Variants in SHANK2 observed in about 807,000 individuals in gnomAD.
SHANK2 encodes the protein SH3 and multiple ankyrin repeat domains protein 2.
A neutral mutation model predicts 133.7 loss-of-function variants in SHANK2; 43 were observed. The observed-to-expected ratio is 0.32, with a 90% CI of 0.25 to 0.41. SHANK2 has a LOEUF of 0.41. Ranked by LOEUF, SHANK2 falls within the 10% of genes least tolerant of loss-of-function variation. The pLI, the probability that SHANK2 is intolerant of heterozygous loss-of-function variation, is 1.00. For synonymous variants in SHANK2, 1,017 were observed against 952.8 expected (o/e 1.07, Z -1.24); for missense variants, 1,994 against 2,235.8 (o/e 0.89, Z 2.18).
Position 70,807,124 on chromosome 11 carries a change from T to C in SHANK2, c.1541A>G (p.Glu514Gly). The change falls in exon 13 of 26, where the codon GAG becomes GGG. Residue 514 changes from glutamate (E) to glycine (G), a missense_variant. Physicochemically the swap from Glu to Gly is moderately conservative, Grantham distance 98. This residue lies in a region of SHANK2 where 653 missense variants were observed against 563.4 expected (regional missense o/e 1.16). Transcript: ENST00000601538. The surrounding 1 kb of genome is among the most constrained non-coding windows in gnomAD (Gnocchi z 4.8). ...GAGCTTCCGCTTGGGCCCCGGGTAC[T>C]CGAAGGCCGAGAGTGAGTCCTTGTT... The part of the protein sequence containing the change: ...GANKDSLSAF[E>G]YPGPKRKLYS... 1.4e-6 allele frequency: 1 copy of C among 717,948 alleles called. No individual in the cohort carries two copies. Among genetic ancestry groups the C allele is most frequent in the Non-Finnish European group, 2.6e-6 (1 of 384,940 alleles). The allele number at this position is 717,948 out of a possible 1,614,324, so 44.5% of individuals were successfully genotyped here.
intron 2 of SHANK2, among the ~76,000 whole-genome samples, chr11:71,185,850 C>T (rs1038102692): frequency 7.4e-5 from 11 of 148,552 alleles, no homozygotes; most frequent in Non-Finnish European, 1.2e-4. Context: ...GCTATTGTGA[C>T]GAGACACCAA....
At chr11:70,657,164 G>C (rs2134244532) in intron 17 of SHANK2, among the ~76,000 whole-genome samples, 1 of 152,324 alleles carries the variant, frequency 6.6e-6, no homozygotes, top group Middle Eastern at 3.4e-3. Flanking sequence ...GAGAAAGGAA[G>C]GCTTGCCAAG....
chr11:70,517,785 G>A (rs782501994), intron 17 of SHANK2, among the ~76,000 whole-genome samples: 3 of 152,288 alleles, frequency 2.0e-5, no homozygotes, highest in East Asian at 3.9e-4. Flanking sequence ...ATAATGGTAG[G>A]TACAGGATAT....
intron 17 of SHANK2, among the ~76,000 whole-genome samples, chr11:70,599,605 C>CAAAAAAAAAAAAAAAAA (rs1160187418): frequency 1.3e-4 from 4 of 30,296 alleles, no homozygotes; most frequent in Non-Finnish European, 1.6e-4. Context: ...GACTCCGTCT[C>CAAAAAAAAAAAAAAAAA]AAAAAAAAAA....
chr11:71,194,751 GAAT>G (rs1426274405), intron 2 of SHANK2, among the ~76,000 whole-genome samples: 3 of 152,212 alleles, frequency 2.0e-5, no homozygotes, highest in Non-Finnish European at 4.4e-5. Context: ...ATACTTGACA[GAAT>G]AATTCAGGCT....
chr11:70,558,180 G>A (rs968918810), intron 17 of SHANK2, among the ~76,000 whole-genome samples: 1 of 152,298 alleles, frequency 6.6e-6, no homozygotes, highest in Admixed American at 6.5e-5. Context: ...GGAGGTGTGC[G>A]AGGGGGAGCC....
At chr11:70,717,981 A>G in intron 14 of SHANK2, among the ~76,000 whole-genome samples, 1 of 152,186 alleles carries the variant, frequency 6.6e-6, no homozygotes, top group East Asian at 1.9e-4. Flanking sequence ...CGCTTCTTTG[A>G]CACAAGTTGT....
intron 14 of SHANK2, among the ~76,000 whole-genome samples, chr11:70,709,692 G>C (rs2134572044): frequency 6.6e-6 from 1 of 152,310 alleles, no homozygotes; most frequent in South Asian, 2.1e-4. Context: ...ACTCAGTGTT[G>C]GGCCGATGGA....
At chr11:70,548,369 G>A (rs2059721398) in intron 17 of SHANK2, among the ~76,000 whole-genome samples, 1 of 152,204 alleles carries the variant, frequency 6.6e-6, no homozygotes, top group Non-Finnish European at 1.5e-5. Context: ...CTGATCCCAG[G>A]TGGGGAGACT....
chr11:70,890,203 C>A (rs763151680), intron 11 of SHANK2, among the ~76,000 whole-genome samples: 1 of 152,230 alleles, frequency 6.6e-6, no homozygotes, highest in Middle Eastern at 3.4e-3. Context: ...AAAAGGTGCT[C>A]AATGAAGACT....
chr11:70,930,659 C>CTTTTTTTTT (rs367913415), intron 10 of SHANK2, among the ~76,000 whole-genome samples: 3 of 114,194 alleles, frequency 2.6e-5, no homozygotes, highest in African/African-American at 3.6e-5. Context: ...ATTTCTTTGT[C>CTTTTTTTTT]TTTTTTTTTT....
intron 14 of SHANK2, among the ~76,000 whole-genome samples, chr11:70,774,326 G>GTTT (rs201907774): frequency 6.9e-6 from 1 of 145,426 alleles, no homozygotes; most frequent in Non-Finnish European, 1.5e-5. Context: ...AGTGACTTTT[G>GTTT]TTTTTTTTTT....
intron 11 of SHANK2, among the ~76,000 whole-genome samples, chr11:70,867,373 C>T (rs542492294): frequency 2.6e-5 from 4 of 152,262 alleles, no homozygotes; most frequent in East Asian, 1.9e-4. Flanking sequence ...AGAGCAGGTC[C>T]GGAGGCCAAG....
chr11:71,213,919 G>C (rs1368502512), intron 2 of SHANK2, among the ~76,000 whole-genome samples: 1 of 152,118 alleles, frequency 6.6e-6, no homozygotes, highest in Admixed American at 6.5e-5. Flanking sequence ...GCTTCCTTGG[G>C]CCATTTACCA....
At chr11:70,628,710 T>C (rs2060937638) in intron 17 of SHANK2, among the ~76,000 whole-genome samples, 1 of 152,184 alleles carries the variant, frequency 6.6e-6, no homozygotes, top group African/African-American at 2.4e-5. Flanking sequence ...AGACCCACCA[T>C]ACAGCAGGCT....
At chr11:70,608,973 G>A (rs1229213758) in intron 17 of SHANK2, among the ~76,000 whole-genome samples, 5 of 152,250 alleles carry the variant, frequency 3.3e-5, no homozygotes, top group African/African-American at 7.2e-5. Context: ...GAGAGAGCTC[G>A]CTCCTCGCTT....
chr11:70,540,523 G>A (rs984696072), intron 17 of SHANK2, among the ~76,000 whole-genome samples: 7 of 150,422 alleles, frequency 4.7e-5, no homozygotes, highest in Admixed American at 3.3e-4. Flanking sequence ...ACACACACAC[G>A]ATACCCATGG....
chr11:71,230,438 G>A (rs148374801), intron 1 of SHANK2, among the ~76,000 whole-genome samples: 2,392 of 152,004 alleles, frequency 0.016, 80 homozygotes, highest in African/African-American at 0.055. Context: ...GTGTGGTGGC[G>A]GGCACCTGTA....
In SHANK2 at chr11:70,473,066, G is replaced by C; in HGVS notation, c.5353C>G (p.Leu1785Val). ...TCGGCCACATCTGGTTTAGTCCACA[G>C]GTGGACAGGTTTAGTTGTAAAAGGC... The part of the protein sequence containing the change: ...NKPFTTKPVH[L>V]WTKPDVADWL... Residue 1785 changes from leucine (L) to valine (V), a missense_variant, in exon 26 of 26, where the codon CTG (leucine) becomes GTG (valine). By Grantham distance (32) the Leu-to-Val change is conservative. This residue lies in a region of SHANK2 where 797 missense variants were observed against 907.4 expected (regional missense o/e 0.88). Transcript: ENST00000601538. This position sits in a 1 kb window ranked among gnomAD's most constrained non-coding sequence, Gnocchi z 5.9. The C allele has an allele frequency of 1.9e-6, 3 of 1,614,244 alleles. No homozygotes were observed. The highest frequency in any genetic ancestry group is 1.7e-5 in the Admixed American group (1 of 60,032).
Sources: allele counts gnomAD v4.1 joint callset (sites outside exome capture counted in the v4.1 genomes callset), GRCh38; gene constraint gnomAD v4.1.1; regional missense constraint gnomAD v4.1.1; non-coding constraint Gnocchi (gnomAD v3.1); transcripts MANE v1.5; gene names NCBI Gene and HGNC (gene_info 2026-07-23, HGNC 2026-07-21).